Variants in UBE3B observed in about 807,000 individuals in gnomAD.
UBE3B encodes the protein ubiquitin-protein ligase E3B.
In UBE3B, 80 loss-of-function variants were observed where a neutral mutation model predicts 132.3. That is an observed-to-expected ratio of 0.60 (90% CI 0.50 to 0.73). The LOEUF is 0.73. Among genes scored for constraint, UBE3B ranks in the 30% least tolerant of loss-of-function variants. The pLI is 0.00. For missense variants in UBE3B, 1,196 were observed against 1,362.5 expected, an observed-to-expected ratio of 0.88 and a Z score of 1.92; for synonymous variants, 487 against 520.4, an observed-to-expected ratio of 0.94 and a Z score of 0.87.
intron 9 of UBE3B, among the ~76,000 whole-genome samples, chr12:109,493,313 G>T (rs1041172037): frequency 1.3e-5 from 2 of 152,158 alleles, no homozygotes; most frequent in Non-Finnish European, 2.9e-5. Context: ...GAACTTTCAA[G>T]CTCAGGAGCA....
At chr12:109,505,469 T>C (rs992300220) in intron 14 of UBE3B, among the ~76,000 whole-genome samples, 1 of 152,254 alleles carries the variant, frequency 6.6e-6, no homozygotes, top group African/African-American at 2.4e-5. Context: ...TTTCTTCTTT[T>C]ATCCCATAGG....
intron 9 of UBE3B, among the ~76,000 whole-genome samples, chr12:109,493,614 G>A (rs940506757): frequency 3.9e-5 from 6 of 152,118 alleles, no homozygotes; most frequent in Non-Finnish European, 8.8e-5. Context: ...CTGAATGTTT[G>A]TATATAATTG....
At chr12:109,478,450 T>C (rs1387759176) in intron 1 of UBE3B, among the ~76,000 whole-genome samples, 1 of 152,204 alleles carries the variant, frequency 6.6e-6, no homozygotes, top group African/African-American at 2.4e-5. Context: ...ATATGAATAG[T>C]CTCTTTAAGT....
intron 9 of UBE3B, among the ~76,000 whole-genome samples, chr12:109,496,581 G>A (rs74978040): frequency 0.019 from 2,821 of 152,310 alleles, 36 homozygotes; most frequent in Non-Finnish European, 0.028. Context: ...AGCCATCCCA[G>A]TGGCTGTACA....
rs746633637 is a variant in UBE3B at position 109,530,014 on chromosome 12, C to G, written c.2752C>G (p.Pro918Ala). The G allele has an allele frequency of 1.2e-6, 2 of 1,614,110 alleles. No individual in the cohort carries two copies. Among genetic ancestry groups the G allele is most frequent in the South Asian group, 2.2e-5 (2 of 91,072 alleles). Residue 918 changes from proline to alanine, a missense_variant, in exon 25 of 28, where the codon CCT becomes GCT. Coordinates refer to ENST00000342494, the MANE Select transcript of UBE3B (RefSeq NM_130466.4). Reference sequence around the variant, plus strand: ...CGAGTGGATCCGAATGTTCTCAACTCCTGAACTGCAGCGTCTCATCTCTGG... The same window carrying G: ...CGAGTGGATCCGAATGTTCTCAACTGCTGAACTGCAGCGTCTCATCTCTGG... ...KPEWIRMFSTPELQRLISGDN... is the reference protein window; with the variant it reads ...KPEWIRMFSTAELQRLISGDN...
chr12:109,497,765 G>A (rs1235232044), intron 9 of UBE3B, 53 bp from the exon 10 acceptor site: 2 of 1,575,518 alleles, frequency 1.3e-6, no homozygotes, highest in African/African-American at 1.3e-5. Context: ...TTGTGCTTTT[G>A]TTCTGGATGC....
chr12:109,509,452 T>G (rs112020479), intron 15 of UBE3B, 144 bp from the exon 16 acceptor site: 5 of 572,736 alleles, frequency 8.7e-6, no homozygotes, highest in African/African-American at 3.8e-5. Context: ...ATCATATCAT[T>G]TTATCTGTAG....
chr12:109,496,029 C>T (rs188932409), intron 9 of UBE3B, among the ~76,000 whole-genome samples: 9 of 152,324 alleles, frequency 5.9e-5, no homozygotes, highest in Admixed American at 4.6e-4. Context: ...TATTTTATCA[C>T]CCTGAAAAGA....
At chr12:109,531,266 T>C (rs1453962077) in intron 26 of UBE3B, among the ~76,000 whole-genome samples, 1 of 152,182 alleles carries the variant, frequency 6.6e-6, no homozygotes, top group African/African-American at 2.4e-5. Flanking sequence ...TCTGTAAAAG[T>C]TGTAAATGTT....
intron 6 of UBE3B, among the ~76,000 whole-genome samples, chr12:109,487,263 C>T (rs906573562): frequency 6.6e-6 from 1 of 152,178 alleles, no homozygotes; most frequent in Non-Finnish European, 1.5e-5. Flanking sequence ...GTCCTGTGTT[C>T]CCCTACCCCC....
the UBE3B span, among the ~76,000 whole-genome samples, chr12:109,545,747 C>A: frequency 4.6e-5 from 7 of 152,290 alleles, no homozygotes; most frequent in South Asian, 6.2e-4. Context: ...GTCCCACTTA[C>A]CCTTGCCGGG....
intron 19 of UBE3B, among the ~76,000 whole-genome samples, chr12:109,518,394 C>T (rs1055929986): frequency 6.6e-6 from 1 of 152,206 alleles, no homozygotes; most frequent in African/African-American, 2.4e-5. Context: ...ATGTTGTGAA[C>T]TAATTGAACT....
downstream of UBE3B, among the ~76,000 whole-genome samples, chr12:109,536,991 G>A (rs756415175): frequency 2.6e-5 from 4 of 152,158 alleles, no homozygotes; most frequent in Non-Finnish European, 4.4e-5. Context: ...GTATATCTTT[G>A]CAGTCCATGT....
rs1268514807 is a variant in UBE3B, at chr12:109,481,750, C to T, written c.-22+8C>T. 1 of 152,226 alleles carries T rather than the reference C, an allele frequency of 6.6e-6. No homozygotes were observed. The highest frequency in any genetic ancestry group is 1.5e-5 in the Non-Finnish European group (1 of 68,044). The allele number at this position is 152,226 out of a possible 1,614,324, so 9.4% of individuals were successfully genotyped here. ...ACACAGGCAGGTCCTCAGGTGAGAT[C>T]TCCAGACTTTACTGCTGGGGCAGGA... On this transcript the variant is annotated splice_region_variant and intron_variant, in intron 2 of 27. Transcript: ENST00000342494.
Position 109,524,440 on chromosome 12 carries a change from C to T in UBE3B, c.2505C>T (p.Arg835=). The T allele has an allele frequency of 6.2e-7, 1 of 1,614,214 alleles. No individual in the cohort carries two copies. The highest frequency in any genetic ancestry group is 8.5e-7 in the Non-Finnish European group (1 of 1,180,034). ...TTTCCCCTTCTCTGTTACATTAGCGCTATGATGGGGACATCACTGACCTGG... is the reference window on the plus strand; with the variant it reads ...TTTCCCCTTCTCTGTTACATTAGCGTTATGATGGGGACATCACTGACCTGG... The part of the protein sequence containing the change: ...EFYKNLTSIK[R]YDGDITDLGL... The change falls in exon 23 of 28, where the codon CGC becomes CGT. Residue 835 remains arginine, a splice_region_variant and synonymous_variant. Coordinates refer to ENST00000342494, the MANE Select transcript of UBE3B (RefSeq NM_130466.4).
At chr12:109,528,266 G>A (rs1017099237) in intron 24 of UBE3B, 11 of 881,170 alleles carry the variant, frequency 1.2e-5, no homozygotes, top group African/African-American at 5.5e-5. Flanking sequence ...CTCTTCTCTC[G>A]TATCTCCCTC....
chr12:109,500,800 T>C (rs1452119481), intron 12 of UBE3B, among the ~76,000 whole-genome samples: 8 of 152,214 alleles, frequency 5.3e-5, no homozygotes, highest in Admixed American at 3.9e-4. Flanking sequence ...AGATAATGCA[T>C]GTGAAGCACC....
chr12:109,501,222 C>T, intron 12 of UBE3B, 149 bp from the exon 13 acceptor site: 2 of 985,230 alleles, frequency 2.0e-6, no homozygotes, highest in Admixed American at 4.5e-5. Flanking sequence ...TTGTTAGTTC[C>T]ACTTTTTATT....
intron 1 of UBE3B, among the ~76,000 whole-genome samples, chr12:109,480,372 G>A (rs1405685994): frequency 6.6e-6 from 1 of 152,136 alleles, no homozygotes; most frequent in Non-Finnish European, 1.5e-5. Flanking sequence ...TCAGGGCCCA[G>A]TGTGGTGGCT....
Sources: gnomAD v4.1 joint callset for allele counts (sites outside exome capture counted in the v4.1 genomes callset) on GRCh38, gnomAD v4.1.1 for gene constraint, MANE v1.5 for transcripts, NCBI Gene and HGNC (gene_info 2026-07-23, HGNC 2026-07-21) for gene names.